Variants in GIGYF2 observed in about 807,000 individuals in gnomAD.
The protein encoded by GIGYF2 is GRB10-interacting GYF protein 2.
Under a neutral mutation model 208.1 loss-of-function variants are expected in GIGYF2, and 25 were observed. The observed-to-expected ratio is 0.12, with a 90% CI of 0.09 to 0.17. The LOEUF (loss-of-function observed/expected upper bound fraction) is 0.17, where lower values mean the gene tolerates loss of function less well. Ranked by LOEUF, GIGYF2 falls within the 10% of genes least tolerant of loss-of-function variation. The pLI is 1.00. For synonymous variants in GIGYF2, 534 were observed against 543.8 expected (o/e 0.98, Z 0.25); for missense variants, 1,302 against 1,579.4 (o/e 0.82, Z 2.98).
rs35474409 is a variant in GIGYF2, at chr2:232,802,898, A to ATT, written c.1640-3576_1640-3575dup. Among the ~76,000 whole-genome samples the ATT allele has an allele frequency of 1.4e-3, 205 of 143,776 alleles. 1 individual carries two copies. Among genetic ancestry groups the ATT allele is most frequent in the South Asian group, 3.6e-3 (16 of 4,492 alleles). 94.3% of individuals were successfully genotyped at this position (143,776 alleles called of 152,430 possible). ...GGGCAGGGCTTTCCTTTGTCCAGAG[A>ATT]TTTTTTTTTTTTTTTTTTAAAGACA... On this transcript the variant is annotated intron_variant, in intron 14 of 28. Transcript: ENST00000373563.
At chr2:232,776,286 A>G (rs1699509538) in intron 8 of GIGYF2, 8 of 514,116 alleles carry the variant, frequency 1.6e-5, no homozygotes, top group Non-Finnish European at 2.8e-5. Context: ...TTAAGATTTA[A>G]GGGAAAAGAA....
At position 232,814,410 on chromosome 2, in the gene GIGYF2, A is replaced by G. The variant is rs540787781; in HGVS notation, c.2108-1227A>G. Reference sequence around the variant, plus strand: ...ACCCCATCTCTACTAAAAATAAAAAAAAATTAGCCAGGTGTGGTGTCGGGC... The same window carrying G: ...ACCCCATCTCTACTAAAAATAAAAAGAAATTAGCCAGGTGTGGTGTCGGGC... On this transcript the variant is annotated intron_variant, in intron 18 of 28. Coordinates refer to ENST00000373563, the MANE Select transcript of GIGYF2 (RefSeq NM_001103146.3). Among the ~76,000 whole-genome samples the G allele has an allele frequency of 2.1e-4, 32 of 151,960 alleles. No homozygotes were observed. The East Asian group carries it at 6.2e-3, about 30-fold the overall frequency.
At chr2:232,831,175 C>A (rs6719061) in intron 21 of GIGYF2, among the ~76,000 whole-genome samples, 1 of 151,956 alleles carries the variant, frequency 6.6e-6, no homozygotes, top group East Asian at 1.9e-4. Flanking sequence ...GTTTCTCCAC[C>A]GTAAGTTACC....
chr2:232,709,227 A>G (rs1159226599), intron 2 of GIGYF2, among the ~76,000 whole-genome samples: 1 of 152,268 alleles, frequency 6.6e-6, no homozygotes, highest in South Asian at 2.1e-4. Flanking sequence ...TATTGTATCC[A>G]TGAAAAATCT....
intron 3 of GIGYF2, among the ~76,000 whole-genome samples, chr2:232,738,013 T>A (rs1697810858): frequency 6.7e-6 from 1 of 148,886 alleles, no homozygotes; most frequent in Non-Finnish European, 1.5e-5. Context: ...GCCTCCAGGG[T>A]TCAAGTGATT....
intron 6 of GIGYF2, among the ~76,000 whole-genome samples, chr2:232,759,653 A>G (rs35085837): frequency 0.32 from 48,143 of 151,732 alleles, 7,993 homozygotes; most frequent in South Asian, 0.62. Flanking sequence ...TATGTAGCTA[A>G]TCCTTTATTG....
intron 23 of GIGYF2, 78 bp from the exon 24 acceptor site, chr2:232,843,968 T>G: frequency 7.8e-7 from 1 of 1,290,240 alleles, no homozygotes; most frequent in Non-Finnish European, 1.1e-6. Context: ...GTATTTACAT[T>G]CCATTTAGTA....
At chr2:232,809,600 G>A (rs1184264247) in intron 15 of GIGYF2, 120 bp from the exon 16 acceptor site, 1 of 716,034 alleles carries the variant, frequency 1.4e-6, no homozygotes, top group East Asian at 2.6e-5. Flanking sequence ...TGGGTAAAAG[G>A]GTAGAGCTGG....
rs927023192 is a variant in GIGYF2, at chr2:232,828,794, T to A, written c.2530-4063T>A. ...TAAAAATATATACAGTGTGTAGAGATGGGGTCCTGCTGTGTTGCCCAGGCT... is the reference window on the plus strand; with the variant it reads ...TAAAAATATATACAGTGTGTAGAGAAGGGGTCCTGCTGTGTTGCCCAGGCT... On this transcript the variant is annotated intron_variant, in intron 21 of 28. Transcript: ENST00000373563. The A allele has an allele frequency of 4.6e-5, 7 of 152,224 alleles. No homozygotes were observed. The South Asian group carries it at 6.2e-4, about 13-fold the overall frequency. The allele number at this position is 152,224 out of a possible 1,614,324, so 9.4% of individuals were successfully genotyped here.
intron 17 of GIGYF2, 53 bp downstream of exon 17, chr2:232,811,404 A>G: frequency 9.4e-7 from 1 of 1,064,668 alleles, no homozygotes; most frequent in Non-Finnish European, 1.5e-6. Flanking sequence ...TGTGAAAGAA[A>G]GAGAAGAAAG....
At chr2:232,760,694 TTTTAAAAAATGC>T in intron 7 of GIGYF2, 103 bp downstream of exon 7, 1 of 732,610 alleles carries the variant, frequency 1.4e-6, no homozygotes, top group South Asian at 1.5e-5. Context: ...AAGGGTTTCA[TTTTAAAAAATGC>T]TCTTAAGTAT....
chr2:232,742,311 C>T (rs763597108), intron 3 of GIGYF2, among the ~76,000 whole-genome samples: 2 of 152,114 alleles, frequency 1.3e-5, no homozygotes, highest in Non-Finnish European at 2.9e-5. Context: ...GAGACTGAGG[C>T]GGGTGGATCA....
At chr2:232,790,238 C>T (rs1700031377) in intron 9 of GIGYF2, among the ~76,000 whole-genome samples, 1 of 152,058 alleles carries the variant, frequency 6.6e-6, no homozygotes, top group Non-Finnish European at 1.5e-5. Flanking sequence ...ACACAGGGAG[C>T]TGATTTTATC....
intron 2 of GIGYF2, among the ~76,000 whole-genome samples, chr2:232,710,438 T>A (rs1696337448): frequency 6.6e-6 from 1 of 152,154 alleles, no homozygotes; most frequent in Non-Finnish European, 1.5e-5. Flanking sequence ...TCTGTGGGTC[T>A]TTTGTCTTTA....
chr2:232,804,148 A>C (rs1700483761), intron 14 of GIGYF2, among the ~76,000 whole-genome samples: 1 of 152,096 alleles, frequency 6.6e-6, no homozygotes. Flanking sequence ...TTTCCATAAA[A>C]ATTTTTAGGA....
chr2:232,802,257 A>T (rs1700421406), intron 14 of GIGYF2, among the ~76,000 whole-genome samples: 1 of 151,552 alleles, frequency 6.6e-6, no homozygotes, highest in African/African-American at 2.4e-5. Context: ...TTTCTTGCCC[A>T]GTTGTTCTGA....
At chr2:232,850,978 A>C (rs2106432562) in intron 28 of GIGYF2, among the ~76,000 whole-genome samples, 1 of 152,248 alleles carries the variant, frequency 6.6e-6, no homozygotes, top group South Asian at 2.1e-4. Flanking sequence ...CTGGGATTTC[A>C]AGGCAGGCCT....
chr2:232,855,552 G>T (rs756394282), intron 28 of GIGYF2, among the ~76,000 whole-genome samples: 4 of 152,164 alleles, frequency 2.6e-5, no homozygotes, highest in Non-Finnish European at 5.9e-5. Flanking sequence ...TCTGTCTACT[G>T]TGGGAAAGAG....
At chr2:232,707,246 A>G (rs902119226) in intron 2 of GIGYF2, among the ~76,000 whole-genome samples, 12 of 152,266 alleles carry the variant, frequency 7.9e-5, no homozygotes, top group African/African-American at 2.9e-4. Flanking sequence ...CTTTTATTCA[A>G]ATTCTCCTGG....
Sources: gnomAD v4.1 joint callset for allele counts (sites outside exome capture counted in the v4.1 genomes callset) on GRCh38, gnomAD v4.1.1 for gene constraint, MANE v1.5 for transcripts, NCBI Gene and HGNC (gene_info 2026-07-23, HGNC 2026-07-21) for gene names.